The following XKR9 variants were observed in gnomAD, a reference collection of about 807,000 sequenced individuals.
The protein encoded by XKR9 is XK-related protein 9.
XKR9 carries 32 observed loss-of-function variants against 32.0 expected under a neutral mutation model. The ratio of observed to expected loss-of-function variants is 1.00; its 90% CI spans 0.76 to 1.34. The LOEUF (loss-of-function observed/expected upper bound fraction) is 1.34, where lower values mean the gene tolerates loss of function less well. XKR9 is among the 40% of genes most tolerant of loss of function. XKR9 has a pLI of 0.00. For synonymous variants in XKR9, 168 were observed against 143.4 expected, an observed-to-expected ratio of 1.17 and a Z score of -1.22; for missense variants, 546 against 429.7, an observed-to-expected ratio of 1.27 and a Z score of -2.39.
At chr8:70,834,246 AG>A in the XKR9 span, among the ~76,000 whole-genome samples, 2 of 152,066 alleles carry the variant, frequency 1.3e-5, no homozygotes, top group Non-Finnish European at 2.9e-5. Context: ...GTTATGTTTC[AG>A]AGATTTGAAT....
At chr8:70,731,587 C>G (rs1204830515) in intron 4 of XKR9, among the ~76,000 whole-genome samples, 1 of 152,316 alleles carries the variant, frequency 6.6e-6, no homozygotes, top group East Asian at 1.9e-4. Flanking sequence ...CACCAGTCAC[C>G]TCATTCAGCA....
At chr8:70,870,125 A>T in the XKR9 span, among the ~76,000 whole-genome samples, 1 of 152,212 alleles carries the variant, frequency 6.6e-6, no homozygotes, top group Non-Finnish European at 1.5e-5. Context: ...AAATCACATC[A>T]ATCTCTCTTG....
chr8:70,805,101 C>G, the XKR9 span, among the ~76,000 whole-genome samples: 10 of 152,154 alleles, frequency 6.6e-5, no homozygotes, highest in African/African-American at 2.2e-4. Flanking sequence ...CTTATCAGAA[C>G]TGACTAGGAG....
the XKR9 span, among the ~76,000 whole-genome samples, chr8:70,995,601 T>C: frequency 6.6e-6 from 1 of 152,212 alleles, no homozygotes; most frequent in Non-Finnish European, 1.5e-5. Context: ...ATACTTGGTA[T>C]CTCTCCATTG....
the XKR9 span, among the ~76,000 whole-genome samples, chr8:71,041,014 A>G: frequency 2.0e-5 from 3 of 152,198 alleles, no homozygotes; most frequent in African/African-American, 4.8e-5. Flanking sequence ...ACTGCTTGAT[A>G]TATGAAATTT....
At chr8:70,969,641 A>G in the XKR9 span, among the ~76,000 whole-genome samples, 1 of 152,190 alleles carries the variant, frequency 6.6e-6, no homozygotes, top group Non-Finnish European at 1.5e-5. Flanking sequence ...TCATTTTTCC[A>G]TGGCTAAAAA....
At chr8:70,804,494 A>G in the XKR9 span, among the ~76,000 whole-genome samples, 6 of 152,268 alleles carry the variant, frequency 3.9e-5, no homozygotes, top group Non-Finnish European at 5.9e-5. Context: ...AAATTAAATA[A>G]TAACATAGTA....
chr8:70,850,148 C>A, the XKR9 span, among the ~76,000 whole-genome samples: 1 of 152,042 alleles, frequency 6.6e-6, no homozygotes, highest in Non-Finnish European at 1.5e-5. Context: ...ATACCAAAAC[C>A]TGGCAGACAC....
At chr8:70,942,729 C>T in the XKR9 span, among the ~76,000 whole-genome samples, 1 of 152,090 alleles carries the variant, frequency 6.6e-6, no homozygotes, top group Non-Finnish European at 1.5e-5. Context: ...AAAGTATTAT[C>T]ATCCTTTTAG....
Position 70,780,389 on chromosome 8 carries a change from G to T in XKR9, n.353-8950G>T, listed in dbSNP as rs117309903. 2.9e-3 allele frequency among the ~76,000 whole-genome samples: 443 copies of T among 151,878 alleles called. 1 individual carries two copies. The highest frequency in any genetic ancestry group is 3.9e-3 in the Non-Finnish European group (268 of 67,912). On this transcript the variant is annotated intron_variant and non_coding_transcript_variant, in intron 2 of 3. Transcript: ENST00000520273. The stretch of plus-strand genomic sequence containing the variant: ...TAAAGCTATAAATTTTCTTCAAAAC[G>T]TTGTTTTAGGTGGTCCCACAAATTT...
At chr8:71,061,291 G>A in the XKR9 span, among the ~76,000 whole-genome samples, 2 of 152,090 alleles carry the variant, frequency 1.3e-5, no homozygotes, top group Non-Finnish European at 2.9e-5. Flanking sequence ...AAGTGGCCCT[G>A]CCATCATAGT....
intron 4 of XKR9, among the ~76,000 whole-genome samples, chr8:70,711,307 A>G (rs1805911774): frequency 6.6e-6 from 1 of 152,204 alleles, no homozygotes; most frequent in South Asian, 2.1e-4. Flanking sequence ...TTGTTATACC[A>G]TGAAGATGCA....
the XKR9 span, among the ~76,000 whole-genome samples, chr8:70,809,003 TG>T: frequency 1.3e-5 from 2 of 152,238 alleles, no homozygotes; most frequent in South Asian, 4.1e-4. Context: ...CCTCCTCAAG[TG>T]GGTCCCTGAC....
chr8:70,900,499 G>A, the XKR9 span, among the ~76,000 whole-genome samples: 6 of 151,990 alleles, frequency 3.9e-5, no homozygotes, highest in African/African-American at 1.2e-4. Flanking sequence ...TGAGGCAGGA[G>A]AATCGCTTGA....
In XKR9 at chr8:70,706,999, C is replaced by A. The variant is rs747314955; in HGVS notation, c.339C>A (p.Phe113Leu). 58 of 1,613,090 alleles carry A rather than the reference C, an allele frequency of 3.6e-5. No individual in the cohort carries two copies. The highest frequency in any genetic ancestry group is 1.6e-4 in the Middle Eastern group (1 of 6,078). The change falls in exon 4 of 5, where the codon TTC (phenylalanine) becomes TTA (leucine). Residue 113 changes from phenylalanine to leucine, a missense_variant. Coordinates refer to ENST00000408926, the MANE Select transcript of XKR9 (RefSeq NM_001011720.2). ...AFKYDSNTSNFVEEQIDLHKE... is the reference protein window; with the variant it reads ...AFKYDSNTSNLVEEQIDLHKE... Reference sequence around the variant, plus strand: ...AATATGACAGCAATACTAGTAACTTCGTGGAAGAACAAATTGATCTACATA... The same window carrying A: ...AATATGACAGCAATACTAGTAACTTAGTGGAAGAACAAATTGATCTACATA...
At chr8:70,923,248 A>T in the XKR9 span, among the ~76,000 whole-genome samples, 3 of 152,264 alleles carry the variant, frequency 2.0e-5, no homozygotes, top group Non-Finnish European at 4.4e-5. Context: ...TAACACAGAT[A>T]TATGAACAAT....
the XKR9 span, among the ~76,000 whole-genome samples, chr8:70,813,622 G>A: frequency 1.3e-5 from 2 of 152,114 alleles, no homozygotes; most frequent in Admixed American, 1.3e-4. Context: ...CCATCAACAA[G>A]TGGGCAAAGG....
Position 70,772,885 on chromosome 8 carries a change from T to C in XKR9, n.353-16454T>C, listed in dbSNP as rs548465252. 6.6e-5 allele frequency among the ~76,000 whole-genome samples: 10 copies of C among 152,320 alleles called. No homozygotes were observed. The East Asian group carries it at 1.9e-3, about 29-fold the overall frequency. ...GGGGAGTGTTTGGTATAAAAGTTTA[T>C]AGAGTTTTAATGGCAAGGATAAAGC... On this transcript the variant is annotated intron_variant and non_coding_transcript_variant, in intron 2 of 3. Transcript: ENST00000520273.
At chr8:70,945,805 C>G in the XKR9 span, among the ~76,000 whole-genome samples, 1 of 152,172 alleles carries the variant, frequency 6.6e-6, no homozygotes, top group Non-Finnish European at 1.5e-5. Context: ...GAGGCTGCAG[C>G]CAGCAGCCCA....
Sources: allele counts gnomAD v4.1 joint callset (sites outside exome capture counted in the v4.1 genomes callset), GRCh38; gene constraint gnomAD v4.1.1; transcripts MANE v1.5; gene names NCBI Gene and HGNC (gene_info 2026-07-23, HGNC 2026-07-21).